NAT1: variants seen among roughly 807,000 people sequenced by gnomAD.
NAT1 encodes the protein N-acetyltransferase 1.
For missense variants in NAT1, 400 were observed against 339.2 expected, an observed-to-expected ratio of 1.18 and a Z score of -1.41; for synonymous variants, 144 against 122.6, an observed-to-expected ratio of 1.17 and a Z score of -1.16.
intron 2 of NAT1, among the ~76,000 whole-genome samples, chr8:18,200,004 C>T (rs1024353262): frequency 6.6e-6 from 1 of 152,116 alleles, no homozygotes; most frequent in African/African-American, 2.4e-5. Context: ...ATTAAAATGT[C>T]AAAAAGTAAC....
chr8:18,202,157 A>AT (rs374937479), intron 2 of NAT1, among the ~76,000 whole-genome samples: 29 of 152,272 alleles, frequency 1.9e-4, no homozygotes, highest in African/African-American at 6.5e-4. Context: ...TGTGTAAGAT[A>AT]TTTTTCCTGG....
intron 1 of NAT1, among the ~76,000 whole-genome samples, chr8:18,214,206 G>A (rs1804404268): frequency 6.6e-6 from 1 of 152,162 alleles, no homozygotes; most frequent in African/African-American, 2.4e-5. Flanking sequence ...TGTATTGGAA[G>A]GAGTCAGTGT....
At chr8:18,170,696 G>A (rs1422529617) in exon 2 of NAT1, 1 of 152,120 alleles carries the variant, frequency 6.6e-6, no homozygotes, top group East Asian at 1.9e-4. Context: ...CAGTCGACAG[G>A]ATCTGAACTT....
chr8:18,217,940 G>C (rs1044800857), intron 1 of NAT1, among the ~76,000 whole-genome samples: 1 of 152,130 alleles, frequency 6.6e-6, no homozygotes, highest in Admixed American at 6.5e-5. Flanking sequence ...TTAAGGCTAG[G>C]CAGGGGTTTC....
intron 1 of NAT1, among the ~76,000 whole-genome samples, chr8:18,210,443 T>G (rs1335660258): frequency 6.6e-6 from 1 of 152,218 alleles, no homozygotes. Flanking sequence ...TTAGTTTCCC[T>G]AAAACTCAGT....
intron 2 of NAT1, among the ~76,000 whole-genome samples, chr8:18,203,940 AG>A (rs1440811515): frequency 2.0e-5 from 3 of 152,154 alleles, no homozygotes; most frequent in Non-Finnish European, 2.9e-5. Context: ...CTTCTCTGCC[AG>A]TCACCTGTAC....
intron 2 of NAT1, among the ~76,000 whole-genome samples, chr8:18,198,974 G>GAA (rs113259284): frequency 1.3e-5 from 2 of 150,744 alleles, no homozygotes; most frequent in African/African-American, 4.9e-5. Context: ...CTTTTTTTTG[G>GAA]AAAAAAAAGG....
At chr8:18,178,085 T>C (rs1054875493) in intron 2 of NAT1, among the ~76,000 whole-genome samples, 6 of 152,060 alleles carry the variant, frequency 3.9e-5, no homozygotes, top group African/African-American at 1.2e-4. Context: ...ATTGGAGTCA[T>C]GGGACAGAGG....
intron 2 of NAT1, among the ~76,000 whole-genome samples, chr8:18,204,027 G>C (rs1172545423): frequency 6.6e-6 from 1 of 152,120 alleles, no homozygotes; most frequent in Non-Finnish European, 1.5e-5. Context: ...GGGGCAACCA[G>C]CCTTCCGCAC....
intron 2 of NAT1, among the ~76,000 whole-genome samples, chr8:18,185,653 T>A (rs1046104888): frequency 6.6e-6 from 1 of 152,260 alleles, no homozygotes; most frequent in East Asian, 1.9e-4. Flanking sequence ...CTATCTTTAT[T>A]CTTTTCATTC....
At chr8:18,197,595 T>C (rs1202800611) in intron 2 of NAT1, among the ~76,000 whole-genome samples, 1 of 152,168 alleles carries the variant, frequency 6.6e-6, no homozygotes, top group East Asian at 1.9e-4. Flanking sequence ...TCAGAAACAC[T>C]GGTATGTTCT....
At chr8:18,172,604 A>G (rs759753002) in intron 2 of NAT1, among the ~76,000 whole-genome samples, 3 of 152,142 alleles carry the variant, frequency 2.0e-5, no homozygotes, top group Non-Finnish European at 4.4e-5. Flanking sequence ...AATTCTACCA[A>G]TACCTTGGCT....
At position 18,222,929 on chromosome 8, in the gene NAT1, G is replaced by C; in HGVS notation, c.*9G>C. 1.3e-6 allele frequency: 2 copies of C among 1,528,164 alleles called. No individual in the cohort carries two copies. The highest frequency in any genetic ancestry group is 1.7e-6 in the Non-Finnish European group (2 of 1,143,952). 94.7% of individuals were successfully genotyped at this position (1,528,164 alleles called of 1,614,324 possible). The stretch of plus-strand genomic sequence containing the variant: ...GATTTTTTACTATTTAGAATAAGGA[G>C]TAAAACAATCTTGTCTATTTGTCAT... On this transcript the variant is annotated 3_prime_UTR_variant, in exon 3 of 3. Transcript: ENST00000307719.
At chr8:18,181,125 A>G (rs1802496515) in intron 2 of NAT1, among the ~76,000 whole-genome samples, 1 of 152,116 alleles carries the variant, frequency 6.6e-6, no homozygotes, top group East Asian at 1.9e-4. Flanking sequence ...AATTTTTCCA[A>G]TCCATTAGCA....
In NAT1 at chr8:18,219,432, G is replaced by A; in HGVS notation, c.-64G>A. The A allele has an allele frequency of 6.5e-7, 1 of 1,549,946 alleles. No individual in the cohort carries two copies. The highest frequency in any genetic ancestry group is 8.7e-7 in the Non-Finnish European group (1 of 1,146,112). On this transcript the variant is annotated 5_prime_UTR_variant, in exon 2 of 3. Coordinates refer to ENST00000307719, the MANE Select transcript of NAT1 (RefSeq NM_000662.8). ...CTAGAATTCAAGCCAGGAAGAAGCA[G>A]CAATCTGTCTTCTGGATTAAAACTG...
chr8:18,194,115 G>A (rs1259690256), intron 2 of NAT1, among the ~76,000 whole-genome samples: 3 of 152,138 alleles, frequency 2.0e-5, no homozygotes, highest in Admixed American at 6.5e-5. Flanking sequence ...GAATGGAATT[G>A]GGACAACCGG....
chr8:18,199,317 C>CAAAAA (rs373393013), intron 2 of NAT1, among the ~76,000 whole-genome samples: 3 of 87,484 alleles, frequency 3.4e-5, no homozygotes, highest in African/African-American at 1.1e-4. Flanking sequence ...GACTCTGTCT[C>CAAAAA]AAAAAAAAAA....
intron 1 of NAT1, among the ~76,000 whole-genome samples, chr8:18,213,995 AG>A (rs1166876388): frequency 5.3e-5 from 8 of 151,902 alleles, no homozygotes; most frequent in South Asian, 2.1e-4. Flanking sequence ...TTGTATTTTT[AG>A]TAGAGACAGG....
At position 18,195,914 on chromosome 8, in the gene NAT1, G is replaced by A. The variant is rs1007017635; in HGVS notation, n.93-13867G>A. Among the ~76,000 whole-genome samples the A allele has an allele frequency of 3.3e-5, 5 of 150,750 alleles. No individual in the cohort carries two copies. The South Asian group carries it at 8.4e-4, about 25-fold the overall frequency. On this transcript the variant is annotated intron_variant and non_coding_transcript_variant, in intron 2 of 4. Transcript: ENST00000517441. ...ATACACACACTCAGAAGTTCTTGAT[G>A]TTAGATTAAAAAAAAAAAGACCCTG...
Sources: gnomAD v4.1 joint callset for allele counts (sites outside exome capture counted in the v4.1 genomes callset) on GRCh38, gnomAD v4.1.1 for gene constraint, MANE v1.5 for transcripts, NCBI Gene and HGNC (gene_info 2026-07-23, HGNC 2026-07-21) for gene names.